PRKG1: variants seen among roughly 807,000 people sequenced by gnomAD.
PRKG1 encodes the protein cGMP-dependent protein kinase 1.
Under a neutral mutation model 88.1 loss-of-function variants are expected in PRKG1, and 35 were observed. The ratio of observed to expected loss-of-function variants is 0.40; its 90% confidence interval spans 0.30 to 0.53. The LOEUF (loss-of-function observed/expected upper bound fraction) is 0.53. PRKG1 is among the 20% of genes least tolerant of loss of function. The pLI, the probability that PRKG1 is intolerant of heterozygous loss-of-function variation, is 0.59. For synonymous variants in PRKG1, 303 were observed against 292.5 expected (o/e 1.04, Z -0.37); for missense variants, 540 against 839.8 (o/e 0.64, Z 4.41).
chr10:51,965,365 A>G (rs1315842230), intron 5 of PRKG1, among the ~76,000 whole-genome samples: 2 of 152,168 alleles, frequency 1.3e-5, no homozygotes, highest in South Asian at 4.1e-4. Flanking sequence ...TAGTTTGCTA[A>G]GGATAATGGC....
intron 3 of PRKG1, among the ~76,000 whole-genome samples, chr10:51,530,631 T>C (rs560019459): frequency 6.6e-6 from 1 of 152,206 alleles, no homozygotes; most frequent in Non-Finnish European, 1.5e-5. Context: ...ATTTTCCATA[T>C]TGAAGACACA....
chr10:51,925,169 AATTGAAGTGGAGAGGT>A lies in PRKG1; in HGVS notation c.762+17603_762+17618del, dbSNP rs538877451. Among the ~76,000 whole-genome samples, 954 of 150,186 alleles carry A rather than the reference AATTGAAGTGGAGAGGT, an allele frequency of 6.4e-3. 2 individuals carry two copies. The highest frequency in any genetic ancestry group is 0.011 in the Non-Finnish European group (775 of 67,724). On this transcript the variant is annotated intron_variant, in intron 5 of 17. Transcript: ENST00000373980. The stretch of plus-strand genomic sequence containing the variant: ...TGGGTATGATGTTTTGAGTAAAAGA[AATTGAAGTGGAGAGGT>A]ATTTAGTGGGAGGTTTTTTTTTTGT...
intron 4 of PRKG1, among the ~76,000 whole-genome samples, chr10:51,896,801 C>T (rs186909018): frequency 6.6e-6 from 1 of 151,914 alleles, no homozygotes; most frequent in Admixed American, 6.6e-5. Flanking sequence ...TACAATTCTC[C>T]AGTATAAGGA....
At chr10:51,545,303 G>A (rs1010010794) in intron 3 of PRKG1, among the ~76,000 whole-genome samples, 1 of 152,056 alleles carries the variant, frequency 6.6e-6, no homozygotes, top group Non-Finnish European at 1.5e-5. Flanking sequence ...TTTGAAAGGA[G>A]TTTCTTTTAT....
chr10:52,172,002 C>A (rs1488506099), intron 9 of PRKG1, among the ~76,000 whole-genome samples: 2 of 150,782 alleles, frequency 1.3e-5, no homozygotes, highest in African/African-American at 2.4e-5. Flanking sequence ...CGGGGTTTCA[C>A]CTTGTTAGCC....
chr10:51,286,710 C>G (rs79147738), intron 2 of PRKG1, among the ~76,000 whole-genome samples: 1 of 152,042 alleles, frequency 6.6e-6, no homozygotes, highest in African/African-American at 2.4e-5. Context: ...TTCAACATCC[C>G]CCTTTAGCTA....
rs1272165991 is a variant in PRKG1, at chr10:52,296,117, G to A, written c.*2217G>A. 6.6e-6 allele frequency: 1 copy of A among 151,968 alleles called. No homozygotes were observed. The highest frequency in any genetic ancestry group is 1.5e-5 in the Non-Finnish European group (1 of 67,922). 9.4% of individuals were successfully genotyped at this position (151,968 alleles called of 1,614,324 possible). On this transcript the variant is annotated 3_prime_UTR_variant, in exon 18 of 18. Transcript: ENST00000373980. ...TTTGTTGAAAGATAATGTGGTTTAGGCTTGCTAAAGAAAGGCTTGCTAGAA... is the reference window on the plus strand; with the variant it reads ...TTTGTTGAAAGATAATGTGGTTTAGACTTGCTAAAGAAAGGCTTGCTAGAA...
intron 3 of PRKG1, among the ~76,000 whole-genome samples, chr10:51,743,719 T>G (rs1837501695): frequency 1.5e-5 from 1 of 68,722 alleles, no homozygotes; most frequent in Non-Finnish European, 2.9e-5. Flanking sequence ...TAAATATATA[T>G]ATATATAATA....
In PRKG1 at chr10:51,811,072, C is replaced by T. The variant is rs185834400; in HGVS notation, c.698+6382C>T. ...TCAAAGAGATCAAAATAAGCTCATA[C>T]CCAGTAAAAAACAGAGCTTAGACTA... On this transcript the variant is annotated intron_variant, in intron 4 of 17. Coordinates refer to ENST00000373980, the MANE Select transcript of PRKG1 (RefSeq NM_006258.4). 4.0e-4 allele frequency among the ~76,000 whole-genome samples: 61 copies of T among 152,184 alleles called. No homozygotes were observed. The East Asian group carries it at 9.7e-3, about 24-fold the overall frequency.
chr10:51,606,295 G>T (rs1475400475), intron 3 of PRKG1, among the ~76,000 whole-genome samples: 1 of 152,112 alleles, frequency 6.6e-6, no homozygotes, highest in Non-Finnish European at 1.5e-5. Flanking sequence ...GGATTTCAAG[G>T]ATCTTTCATT....
At chr10:51,794,743 T>C (rs1252222651) in intron 3 of PRKG1, among the ~76,000 whole-genome samples, 4 of 152,106 alleles carry the variant, frequency 2.6e-5, no homozygotes, top group Non-Finnish European at 5.9e-5. Context: ...ACAGTAAATA[T>C]GTATAATTTT....
intron 5 of PRKG1, among the ~76,000 whole-genome samples, chr10:51,945,015 A>G (rs1253925974): frequency 6.7e-6 from 1 of 150,210 alleles, no homozygotes; most frequent in Admixed American, 6.6e-5. Flanking sequence ...ATCCTTGTTA[A>G]CTTTCTGTCT....
chr10:52,125,885 A>T (rs1352684070), intron 7 of PRKG1: 3 of 152,106 alleles, frequency 2.0e-5, no homozygotes, highest in African/African-American at 7.2e-5. Context: ...CTACTCTTGC[A>T]CTTTGGGACA....
chr10:52,107,323 G>T (rs780581756), intron 7 of PRKG1, among the ~76,000 whole-genome samples: 1 of 152,198 alleles, frequency 6.6e-6, no homozygotes, highest in Non-Finnish European at 1.5e-5. Flanking sequence ...CATGGGAAAA[G>T]ATTGTAGTCC....
At chr10:51,493,901 G>C (rs1457270643) in intron 3 of PRKG1, among the ~76,000 whole-genome samples, 1 of 152,162 alleles carries the variant, frequency 6.6e-6, no homozygotes, top group African/African-American at 2.4e-5. Context: ...CCTCTGGAGA[G>C]CTAATTCAGA....
intron 9 of PRKG1, among the ~76,000 whole-genome samples, chr10:52,182,855 A>C (rs1285174941): frequency 6.6e-6 from 1 of 152,032 alleles, no homozygotes; most frequent in African/African-American, 2.4e-5. Context: ...GTATAGTTTG[A>C]AGTCAGGTAG....
intron 2 of PRKG1, among the ~76,000 whole-genome samples, chr10:51,297,826 T>G (rs1250374973): frequency 6.6e-6 from 1 of 152,136 alleles, no homozygotes; most frequent in African/African-American, 2.4e-5. Context: ...ATGATGATAA[T>G]GATTACGATA....
At chr10:51,436,864 A>G (rs1333494829) in intron 2 of PRKG1, among the ~76,000 whole-genome samples, 1 of 151,980 alleles carries the variant, frequency 6.6e-6, no homozygotes, top group Non-Finnish European at 1.5e-5. Context: ...TCTTATCCCT[A>G]TTACTCAAAT....
At chr10:51,694,507 G>T (rs1841232695) in intron 3 of PRKG1, among the ~76,000 whole-genome samples, 1 of 152,158 alleles carries the variant, frequency 6.6e-6, no homozygotes, top group African/African-American at 2.4e-5. Context: ...TAGGAAGTCA[G>T]CAGATATTAA....
Sources: gnomAD v4.1 joint callset for allele counts (sites outside exome capture counted in the v4.1 genomes callset) on GRCh38, gnomAD v4.1.1 for gene constraint, MANE v1.5 for transcripts, NCBI Gene and HGNC (gene_info 2026-07-23, HGNC 2026-07-21) for gene names.